RRM2B: variants seen among roughly 807,000 people sequenced by gnomAD.
RRM2B encodes ribonucleoside-diphosphate reductase subunit M2 B.
RRM2B carries 20 observed loss-of-function variants against 45.9 expected under a neutral mutation model. The ratio of observed to expected loss-of-function variants is 0.44; its 90% confidence interval spans 0.31 to 0.63. The LOEUF (loss-of-function observed/expected upper bound fraction) is 0.63, where lower values mean the gene tolerates loss of function less well. Among genes scored for constraint, RRM2B ranks in the 30% least tolerant of loss-of-function variants. The probability of loss-of-function intolerance (pLI) is 0.09; values close to 1 mark genes in which losing one functional copy is unlikely to be tolerated. For synonymous variants in RRM2B, 124 were observed against 132.3 expected, an observed-to-expected ratio of 0.94 and a Z score of 0.43; for missense variants, 320 against 414.7, an observed-to-expected ratio of 0.77 and a Z score of 1.98.
chr8:102,219,976 C>A (rs1249597784), intron 5 of RRM2B, among the ~76,000 whole-genome samples: 5 of 152,222 alleles, frequency 3.3e-5, no homozygotes, highest in African/African-American at 1.2e-4. Flanking sequence ...CAGTGGCTCA[C>A]ATCTGTAATA....
At position 102,224,905 on chromosome 8, in the gene RRM2B, G is replaced by A. The variant is rs1192860566; in HGVS notation, c.435C>T (p.Tyr145=). The part of the protein sequence containing the change: ...SEMYSLLIDT[Y]IRDPKKREFL... Reference sequence around the variant, plus strand: ...AATACCTTTTCTTGGGATCTCTGATGTAAGTGTCTATCAGCAAACTGTACA... The same window carrying A: ...AATACCTTTTCTTGGGATCTCTGATATAAGTGTCTATCAGCAAACTGTACA... Residue 145 remains tyrosine (Y), a synonymous_variant, in exon 4 of 9, where the codon TAC becomes TAT. Coordinates refer to ENST00000251810, the MANE Select transcript of RRM2B (RefSeq NM_015713.5). 1.2e-6 allele frequency: 2 copies of A among 1,613,858 alleles called. No individual in the cohort carries two copies. The highest frequency in any genetic ancestry group is 2.2e-5 in the South Asian group (2 of 91,074).
At chr8:102,219,160 G>T (rs181357404) in intron 5 of RRM2B, 2 of 580,992 alleles carry the variant, frequency 3.4e-6, no homozygotes, top group Non-Finnish European at 6.1e-6. Context: ...TCTGTCAGAC[G>T]ATGGACTTCT....
chr8:102,216,514 C>T (rs1810733310), intron 6 of RRM2B, among the ~76,000 whole-genome samples: 1 of 151,910 alleles, frequency 6.6e-6, no homozygotes, highest in Admixed American at 6.6e-5. Context: ...ATAACAAATG[C>T]TATAAAGGTG....
Position 102,206,538 on chromosome 8 carries a change from G to C in RRM2B, c.*1595C>G, listed in dbSNP as rs1483787614. ...AGTTTTGATTAGATTGTTATGGAAA[G>C]AATGGAGCCAAAATTTATGCAAAGA... On this transcript the variant is annotated 3_prime_UTR_variant, in exon 9 of 9. Coordinates refer to ENST00000251810, the MANE Select transcript of RRM2B (RefSeq NM_015713.5). 6.6e-6 allele frequency: 1 copy of C among 152,192 alleles called. No homozygotes were observed. Among genetic ancestry groups the C allele is most frequent in the Non-Finnish European group, 1.5e-5 (1 of 68,010 alleles). The allele number at this position is 152,192 out of a possible 1,614,324, so 9.4% of individuals were successfully genotyped here.
intron 7 of RRM2B, among the ~76,000 whole-genome samples, chr8:102,213,684 C>T (rs1050598889): frequency 1.3e-5 from 2 of 150,986 alleles, no homozygotes; most frequent in Admixed American, 6.6e-5. Context: ...TACCTTGCTA[C>T]GTTATTAAAA....
intron 1 of RRM2B, among the ~76,000 whole-genome samples, chr8:102,236,510 C>T (rs1811123324): frequency 6.6e-6 from 1 of 152,168 alleles, no homozygotes; most frequent in Admixed American, 6.5e-5. Flanking sequence ...ATGAAAAAAG[C>T]AGCTTCAACA....
At chr8:102,228,850 T>C (rs796501666) in intron 2 of RRM2B, among the ~76,000 whole-genome samples, 13 of 152,392 alleles carry the variant, frequency 8.5e-5, no homozygotes, top group African/African-American at 2.9e-4. Flanking sequence ...TCGGAGAAAC[T>C]ATCCTGCTTC....
chr8:102,216,173 C>T (rs926041115), intron 6 of RRM2B, among the ~76,000 whole-genome samples: 5 of 151,702 alleles, frequency 3.3e-5, no homozygotes, highest in Non-Finnish European at 5.9e-5. Flanking sequence ...AAGAAGACAG[C>T]GCAAGTCAAT....
chr8:102,229,726 A>G (rs1810996551), intron 2 of RRM2B, among the ~76,000 whole-genome samples: 1 of 152,078 alleles, frequency 6.6e-6, no homozygotes, highest in Non-Finnish European at 1.5e-5. Flanking sequence ...CTGGGATTAC[A>G]GGCACCTGCT....
intron 7 of RRM2B, among the ~76,000 whole-genome samples, chr8:102,213,456 T>C (rs1428422242): frequency 6.6e-6 from 1 of 152,158 alleles, no homozygotes; most frequent in East Asian, 1.9e-4. Context: ...GATACCAAAG[T>C]ACCTGTTATG....
chr8:102,220,533 G>T (rs1366852472), intron 5 of RRM2B, among the ~76,000 whole-genome samples: 1 of 152,140 alleles, frequency 6.6e-6, no homozygotes, highest in Non-Finnish European at 1.5e-5. Context: ...CAAACTCCTG[G>T]GCTCAAACAA....
At chr8:102,214,607 A>T (rs1198059303) in intron 6 of RRM2B, among the ~76,000 whole-genome samples, 1 of 150,296 alleles carries the variant, frequency 6.7e-6, no homozygotes, top group Non-Finnish European at 1.5e-5. Flanking sequence ...ATAAAAATGA[A>T]TTCAGTTCTA....
At chr8:102,219,193 G>C (rs1352968133) in intron 5 of RRM2B, among the ~76,000 whole-genome samples, 1 of 152,222 alleles carries the variant, frequency 6.6e-6, no homozygotes, top group Non-Finnish European at 1.5e-5. Flanking sequence ...GTTGGACAAA[G>C]AAGGACCTTC....
intron 8 of RRM2B, among the ~76,000 whole-genome samples, chr8:102,209,267 C>A (rs1375390972): frequency 1.3e-5 from 2 of 152,082 alleles, no homozygotes; most frequent in Non-Finnish European, 2.9e-5. Flanking sequence ...AGTATCCCAG[C>A]AAAAAATATG....
chr8:102,235,666 C>A (rs1428038073), intron 1 of RRM2B, among the ~76,000 whole-genome samples: 1 of 152,118 alleles, frequency 6.6e-6, no homozygotes, highest in African/African-American at 2.4e-5. Flanking sequence ...TGGTGAAACC[C>A]CGTCTCTACT....
chr8:102,215,795 T>C (rs977535412), intron 6 of RRM2B, among the ~76,000 whole-genome samples: 1 of 151,780 alleles, frequency 6.6e-6, no homozygotes, highest in African/African-American at 2.4e-5. Flanking sequence ...ACTTTTTTAA[T>C]TAACTGGATG....
chr8:102,235,884 T>G (rs1811113348), intron 1 of RRM2B, among the ~76,000 whole-genome samples: 1 of 152,018 alleles, frequency 6.6e-6, no homozygotes, highest in Non-Finnish European at 1.5e-5. Flanking sequence ...AGTTTCAAGA[T>G]GTCCAGTAAG....
intron 1 of RRM2B, 55 bp downstream of exon 1, chr8:102,238,772 A>T (rs749769429): frequency 1.2e-6 from 2 of 1,613,146 alleles, no homozygotes; most frequent in Admixed American, 3.3e-5. Context: ...GCAACTTGCA[A>T]TCTAACGGGC....
At position 102,207,006 on chromosome 8, in the gene RRM2B, C is replaced by T. The variant is rs1810554702; in HGVS notation, c.*1127G>A. On this transcript the variant is annotated 3_prime_UTR_variant, in exon 9 of 9. Transcript: ENST00000251810. Reference sequence around the variant, plus strand: ...AATCCCTACCATGTTCTCCCTTTCTCAGTCCATAAGCCCTTCCTCTATGTA... The same window carrying T: ...AATCCCTACCATGTTCTCCCTTTCTTAGTCCATAAGCCCTTCCTCTATGTA... 1 of 152,210 alleles carries T rather than the reference C, an allele frequency of 6.6e-6. No homozygotes were observed. The allele number at this position is 152,210 out of a possible 1,614,324, so 9.4% of individuals were successfully genotyped here.
Sources: gnomAD v4.1 joint callset for allele counts (sites outside exome capture counted in the v4.1 genomes callset) on GRCh38, gnomAD v4.1.1 for gene constraint, MANE v1.5 for transcripts, NCBI Gene and HGNC (gene_info 2026-07-23, HGNC 2026-07-21) for gene names.